DLGAP2: variants seen among roughly 807,000 people sequenced by gnomAD.
DLGAP2 encodes the protein disks large-associated protein 2.
A neutral mutation model predicts 100.3 loss-of-function variants in DLGAP2; 26 were observed. That is an observed-to-expected ratio of 0.26 (90% CI 0.19 to 0.36). DLGAP2 has a LOEUF of 0.36. DLGAP2 is among the 10% of genes least tolerant of loss of function. The probability of loss-of-function intolerance (pLI) is 1.00; values close to 1 mark genes in which losing one functional copy is unlikely to be tolerated. For synonymous variants in DLGAP2, 886 were observed against 630.1 expected (o/e 1.41, Z -6.08); for missense variants, 1,858 against 1,453.2 (o/e 1.28, Z -4.53).
chr8:1,407,456 C>A (rs373956798), intron 3 of DLGAP2, among the ~76,000 whole-genome samples: 1 of 141,766 alleles, frequency 7.1e-6, no homozygotes, highest in African/African-American at 2.6e-5. Flanking sequence ...GCTTACTGAG[C>A]GCCACCTCCT....
At chr8:1,008,861 G>T (rs980114261) in intron 2 of DLGAP2, among the ~76,000 whole-genome samples, 1 of 152,250 alleles carries the variant, frequency 6.6e-6, no homozygotes, top group African/African-American at 2.4e-5. Flanking sequence ...TTCCGCCCAG[G>T]CAGCTCCGAA....
chr8:1,162,791 G>C (rs1251435040), intron 2 of DLGAP2, among the ~76,000 whole-genome samples: 3 of 152,236 alleles, frequency 2.0e-5, no homozygotes, highest in Non-Finnish European at 4.4e-5. Context: ...GTACGGCGCT[G>C]TGGCCGCCAA....
intron 1 of DLGAP2, among the ~76,000 whole-genome samples, chr8:879,527 A>G (rs1797746494): frequency 6.6e-6 from 1 of 152,144 alleles, no homozygotes; most frequent in South Asian, 2.1e-4. Context: ...AGTCATTACC[A>G]TCTGACCCAC....
chr8:1,573,637 G>A (rs1437696284), intron 6 of DLGAP2, among the ~76,000 whole-genome samples: 5 of 152,064 alleles, frequency 3.3e-5, no homozygotes, highest in African/African-American at 1.2e-4. Flanking sequence ...TGCTGTTCTG[G>A]TGCCCAAATG....
chr8:924,058 G>C (rs1798766497), intron 2 of DLGAP2, among the ~76,000 whole-genome samples: 1 of 152,278 alleles, frequency 6.6e-6, no homozygotes, highest in East Asian at 1.9e-4. Context: ...ATTGCGTATT[G>C]ATGGCTGTAG....
chr8:1,696,358 G>A (rs961374227), intron 13 of DLGAP2, among the ~76,000 whole-genome samples: 3 of 152,130 alleles, frequency 2.0e-5, no homozygotes, highest in African/African-American at 7.2e-5. Flanking sequence ...AAATTAGCTG[G>A]GTGTAGTGAC....
chr8:1,068,960 A>C (rs745389229), intron 2 of DLGAP2, among the ~76,000 whole-genome samples: 5 of 151,944 alleles, frequency 3.3e-5, no homozygotes, highest in Non-Finnish European at 5.9e-5. Flanking sequence ...CTGGCCTTTG[A>C]CCTCTGTGGG....
intron 3 of DLGAP2, among the ~76,000 whole-genome samples, chr8:1,463,673 C>T (rs1798525562): frequency 6.6e-6 from 1 of 152,230 alleles, no homozygotes; most frequent in African/African-American, 2.4e-5. Flanking sequence ...ACTTGCATTT[C>T]CCAGCAAGCA....
At chr8:1,492,419 G>C (rs1799414143) in intron 3 of DLGAP2, among the ~76,000 whole-genome samples, 1 of 152,240 alleles carries the variant, frequency 6.6e-6, no homozygotes. Context: ...CTTTTCAAGA[G>C]TTAGAAGAAT....
intron 2 of DLGAP2, among the ~76,000 whole-genome samples, chr8:1,152,703 A>G (rs1474666589): frequency 6.6e-6 from 1 of 152,204 alleles, no homozygotes; most frequent in African/African-American, 2.4e-5. Context: ...ACCTCTTGGC[A>G]TCATCACTGT....
intron 4 of DLGAP2, among the ~76,000 whole-genome samples, chr8:1,507,118 G>A (rs975773052): frequency 1.1e-4 from 17 of 152,236 alleles, no homozygotes; most frequent in African/African-American, 4.1e-4. Context: ...AGCGGATCCT[G>A]CGCTGGGGCC....
chr8:1,242,731 T>G (rs951927089), intron 2 of DLGAP2, among the ~76,000 whole-genome samples: 3 of 152,220 alleles, frequency 2.0e-5, no homozygotes, highest in African/African-American at 4.8e-5. Flanking sequence ...TGGATGGATG[T>G]ATGTATGGAC....
intron 2 of DLGAP2, among the ~76,000 whole-genome samples, chr8:1,133,930 A>G (rs2129049474): frequency 6.6e-6 from 1 of 151,908 alleles, no homozygotes; most frequent in South Asian, 2.1e-4. Flanking sequence ...TGTGATACAA[A>G]TTGTTTCCTT....
intron 3 of DLGAP2, among the ~76,000 whole-genome samples, chr8:1,450,769 C>G (rs147622571): frequency 9.9e-5 from 15 of 152,240 alleles, no homozygotes; most frequent in African/African-American, 3.4e-4. Flanking sequence ...TGTCTCTGCG[C>G]TCAACGTTCC....
chr8:1,285,363 C>T (rs1490521717), intron 3 of DLGAP2, among the ~76,000 whole-genome samples: 1 of 152,106 alleles, frequency 6.6e-6, no homozygotes, highest in Non-Finnish European at 1.5e-5. Context: ...TCTCAAAAAG[C>T]TCAGTCATAC....
chr8:1,543,527 C>A (rs1405333862), intron 4 of DLGAP2, among the ~76,000 whole-genome samples: 1 of 152,198 alleles, frequency 6.6e-6, no homozygotes, highest in East Asian at 1.9e-4. Context: ...CAGTTCAGTT[C>A]CATGGGTCCA....
At chr8:1,008,890 G>T (rs1801198274) in intron 2 of DLGAP2, among the ~76,000 whole-genome samples, 2 of 152,218 alleles carry the variant, frequency 1.3e-5, no homozygotes. Context: ...AGACCACATG[G>T]CCCCTTCTGA....
chr8:1,409,764 T>G (rs569448711), intron 3 of DLGAP2, among the ~76,000 whole-genome samples: 17 of 152,234 alleles, frequency 1.1e-4, no homozygotes, highest in African/African-American at 4.1e-4. Context: ...AGGGAGGACC[T>G]CCTCTCTTCT....
At chr8:1,505,783 G>A (rs1799889318) in intron 4 of DLGAP2, among the ~76,000 whole-genome samples, 1 of 152,016 alleles carries the variant, frequency 6.6e-6, no homozygotes, top group South Asian at 2.1e-4. Flanking sequence ...TGTAACATTG[G>A]CTCATTATGA....
Sources: allele counts gnomAD v4.1 joint callset (sites outside exome capture counted in the v4.1 genomes callset), GRCh38; gene constraint gnomAD v4.1.1; transcripts MANE v1.5; gene names NCBI Gene and HGNC (gene_info 2026-07-23, HGNC 2026-07-21).